The following DPP10 variants were observed in gnomAD, a reference collection of about 807,000 sequenced individuals.
DPP10 encodes dipeptidyl peptidase like 10.
Under a neutral mutation model 120.9 loss-of-function variants are expected in DPP10, and 33 were observed. The ratio of observed to expected loss-of-function variants is 0.27; its 90% CI spans 0.21 to 0.37. The LOEUF is 0.37. Ranked by LOEUF, DPP10 falls within the 10% of genes least tolerant of loss-of-function variation. DPP10 has a pLI of 1.00. For synonymous variants in DPP10, 337 were observed against 326.1 expected (o/e 1.03, Z -0.36); for missense variants, 816 against 942.8 (o/e 0.87, Z 1.76).
At chr2:115,154,932 C>T (rs1414454422) in intron 1 of DPP10, among the ~76,000 whole-genome samples, 2 of 150,864 alleles carry the variant, frequency 1.3e-5, no homozygotes, top group Non-Finnish European at 3.0e-5. Flanking sequence ...CACTCTGTCA[C>T]CCAGGCTGGA....
chr2:114,604,836 T>C (rs1317977371), intron 1 of DPP10, among the ~76,000 whole-genome samples: 1 of 152,130 alleles, frequency 6.6e-6, no homozygotes, highest in Non-Finnish European at 1.5e-5. Context: ...CTTTCTTTAA[T>C]CTTTGTTTTG....
intron 1 of DPP10, among the ~76,000 whole-genome samples, chr2:115,068,024 T>G (rs1043495007): frequency 7.9e-5 from 12 of 152,040 alleles, no homozygotes; most frequent in Non-Finnish European, 1.6e-4. Context: ...AATGCTGCAG[T>G]GAACACAGGA....
At chr2:114,772,156 T>C (rs1346868216) in intron 1 of DPP10, among the ~76,000 whole-genome samples, 3 of 151,154 alleles carry the variant, frequency 2.0e-5, no homozygotes, top group African/African-American at 4.8e-5. Context: ...TTAATATTAT[T>C]ATTAATATTA....
At chr2:114,711,081 GAA>G (rs70937299) in intron 1 of DPP10, among the ~76,000 whole-genome samples, 1 of 151,002 alleles carries the variant, frequency 6.6e-6, no homozygotes, top group East Asian at 2.0e-4. Context: ...AGCAGGGCAA[GAA>G]AAAAAAAGAT....
intron 1 of DPP10, among the ~76,000 whole-genome samples, chr2:115,196,266 A>C (rs758654898): frequency 6.6e-6 from 1 of 152,230 alleles, no homozygotes; most frequent in Non-Finnish European, 1.5e-5. Context: ...TCATTGGAGC[A>C]TGTTCCTCCG....
At chr2:115,535,259 G>A (rs1176731447) in intron 5 of DPP10, among the ~76,000 whole-genome samples, 7 of 148,606 alleles carry the variant, frequency 4.7e-5, no homozygotes, top group African/African-American at 1.2e-4. Flanking sequence ...TAACGTTTAA[G>A]TCTTTAATCC....
chr2:115,330,417 G>A (rs2062648294), intron 2 of DPP10, among the ~76,000 whole-genome samples: 1 of 150,996 alleles, frequency 6.6e-6, no homozygotes, highest in Non-Finnish European at 1.5e-5. Flanking sequence ...TTCTTTTGCT[G>A]TGCAGAAGCT....
In DPP10 at chr2:114,738,574, C is replaced by T. The variant is rs147865894; in HGVS notation, c.60+295736C>T. On this transcript the variant is annotated intron_variant, in intron 1 of 25. Coordinates refer to ENST00000410059, the MANE Select transcript of DPP10 (RefSeq NM_020868.6). ...CACTAGCCTGTGTGAGGAGCACCGG[C>T]CTGTGTGAGAATCCCTGCTCAACTC... Among the ~76,000 whole-genome samples, 403 of 152,310 alleles carry T rather than the reference C, an allele frequency of 2.6e-3. 2 individuals carry two copies. The highest frequency in any genetic ancestry group is 9.1e-3 in the African/African-American group (380 of 41,560).
chr2:115,005,158 C>T lies in DPP10; in HGVS notation c.61-304081C>T, dbSNP rs191082318. ...TCCAACAGACCTGCATCTGAGGGTC[C>T]TCTCTCTTAGAAGGAAAACTAACAA... On this transcript the variant is annotated intron_variant, in intron 1 of 25. Coordinates refer to ENST00000410059, the MANE Select transcript of DPP10 (RefSeq NM_020868.6). Among the ~76,000 whole-genome samples the T allele has an allele frequency of 3.4e-4, 51 of 152,078 alleles. 1 individual carries two copies. The East Asian group carries it at 7.4e-3, about 22-fold the overall frequency.
intron 1 of DPP10, among the ~76,000 whole-genome samples, chr2:115,085,460 C>G (rs772938058): frequency 2.6e-5 from 4 of 152,160 alleles, no homozygotes; most frequent in African/African-American, 4.8e-5. Context: ...CATTTCTACC[C>G]AGTTGTTCCC....
intron 1 of DPP10, among the ~76,000 whole-genome samples, chr2:114,708,039 G>A (rs1250211394): frequency 2.0e-5 from 3 of 152,114 alleles, no homozygotes; most frequent in Admixed American, 2.0e-4. Flanking sequence ...GCTGCTTCAG[G>A]GGTCATACCT....
intron 5 of DPP10, among the ~76,000 whole-genome samples, chr2:115,660,251 T>G (rs1465695968): frequency 6.6e-6 from 1 of 152,214 alleles, no homozygotes; most frequent in Non-Finnish European, 1.5e-5. Flanking sequence ...TGCTCCTTTT[T>G]TTCCCCCTCT....
At chr2:114,547,785 T>C (rs1294250115) in intron 1 of DPP10, among the ~76,000 whole-genome samples, 1 of 152,218 alleles carries the variant, frequency 6.6e-6, no homozygotes, top group African/African-American at 2.4e-5. Flanking sequence ...AGAATGGCTG[T>C]AAGAACTTCA....
intron 1 of DPP10, among the ~76,000 whole-genome samples, chr2:115,213,876 A>G (rs1205551174): frequency 6.6e-6 from 1 of 152,190 alleles, no homozygotes; most frequent in African/African-American, 2.4e-5. Context: ...TTTTAGGCAC[A>G]TTTAAGAGAT....
intron 1 of DPP10, among the ~76,000 whole-genome samples, chr2:114,964,904 G>A (rs1379611142): frequency 6.6e-6 from 1 of 152,204 alleles, no homozygotes; most frequent in East Asian, 1.9e-4. Context: ...ATGATTTAAT[G>A]TGGAAAAGAG....
chr2:114,544,912 C>T (rs1049413328), intron 1 of DPP10, among the ~76,000 whole-genome samples: 34 of 151,794 alleles, frequency 2.2e-4, no homozygotes, highest in African/African-American at 6.8e-4. Context: ...AGTGCAGTGG[C>T]GAGATCTTGG....
chr2:115,060,225 T>C (rs1392647020), intron 1 of DPP10, among the ~76,000 whole-genome samples: 2 of 148,926 alleles, frequency 1.3e-5, no homozygotes, highest in African/African-American at 4.9e-5. Context: ...ACACTATATA[T>C]ATAGTATATA....
intron 3 of DPP10, among the ~76,000 whole-genome samples, chr2:115,477,055 C>T (rs1386628334): frequency 6.6e-6 from 1 of 152,138 alleles, no homozygotes; most frequent in Non-Finnish European, 1.5e-5. Context: ...CCATAGCACA[C>T]ATTACTCGCA....
intron 1 of DPP10, among the ~76,000 whole-genome samples, chr2:115,170,474 C>T (rs1368329046): frequency 6.6e-6 from 1 of 152,048 alleles, no homozygotes. Flanking sequence ...TAGAATAGGT[C>T]ATTTGTCTGG....
Sources: gnomAD v4.1 joint callset for allele counts (sites outside exome capture counted in the v4.1 genomes callset) on GRCh38, gnomAD v4.1.1 for gene constraint, MANE v1.5 for transcripts, NCBI Gene and HGNC (gene_info 2026-07-23, HGNC 2026-07-21) for gene names.